The following KRABD4 variants were observed in gnomAD, a reference collection of about 807,000 sequenced individuals.
The protein encoded by KRABD4 is KRAB domain-containing protein 4.
chrX:46,473,624 T>TC, the KRABD4 span: 7 of 353,602 alleles, frequency 2.0e-5, no homozygotes, highest in South Asian at 1.2e-4. Flanking sequence ...ACTGTCCTGC[T>TC]CTTTCCTGCT....
chrX:46,450,425 T>A, the KRABD4 span: 1 of 1,189,889 alleles, frequency 8.4e-7, no homozygotes, highest in African/African-American at 1.8e-5. Context: ...AATTTTGCCT[T>A]TATAGATCTC....
chrX:46,450,826 CT>C, the KRABD4 span, among the ~76,000 whole-genome samples: 4,399 of 108,080 alleles, frequency 0.041, 240 homozygotes, highest in African/African-American at 0.14. Flanking sequence ...CCTCAGCCTT[CT>C]GAGTAGCTGG....
the KRABD4 span, among the ~76,000 whole-genome samples, chrX:46,457,908 A>AT: frequency 3.7e-5 from 4 of 109,574 alleles, no homozygotes; most frequent in Non-Finnish European, 7.6e-5. Context: ...CGCCCAGCTA[A>AT]TTTTTGTATT....
chrX:46,450,784 C>T, the KRABD4 span, among the ~76,000 whole-genome samples: 3 of 104,884 alleles, frequency 2.9e-5, no homozygotes, highest in African/African-American at 1.1e-4. Context: ...ATCACTGCAA[C>T]CTCCACCTTC....
chrX:46,471,389 A>G, the KRABD4 span, among the ~76,000 whole-genome samples: 1 of 108,535 alleles, frequency 9.2e-6, no homozygotes, highest in Non-Finnish European at 1.9e-5. Flanking sequence ...GTTTCCTTAT[A>G]CCTCTCTCTA....
chrX:46,470,479 A>G, the KRABD4 span, among the ~76,000 whole-genome samples: 2 of 111,368 alleles, frequency 1.8e-5, no homozygotes. Flanking sequence ...CTTTTCACTC[A>G]GCATACTTCT....
chrX:46,466,873 T>G, the KRABD4 span, among the ~76,000 whole-genome samples: 2 of 112,197 alleles, frequency 1.8e-5, no homozygotes, highest in Non-Finnish European at 3.8e-5. Flanking sequence ...GCATTGGACA[T>G]TTTCATCCCC....
chrX:46,473,200 C>T, the KRABD4 span: 1 of 1,178,830 alleles, frequency 8.5e-7, no homozygotes, highest in South Asian at 1.9e-5. Context: ...AGTGTTTATC[C>T]AGAAAGCAAA....
At chrX:46,461,160 G>A in the KRABD4 span, among the ~76,000 whole-genome samples, 1 of 110,283 alleles carries the variant, frequency 9.1e-6, no homozygotes, top group Admixed American at 9.6e-5. Flanking sequence ...ATCTGGACTG[G>A]AGGACTGAGT....
At chrX:46,452,232 CTCTT>C in the KRABD4 span, among the ~76,000 whole-genome samples, 1 of 111,005 alleles carries the variant, frequency 9.0e-6, no homozygotes, top group Non-Finnish European at 1.9e-5. Flanking sequence ...CTCTCTCTCT[CTCTT>C]TCTCTTTCTC....
the KRABD4 span, chrX:46,463,349 G>C: frequency 2.7e-6 from 3 of 1,124,594 alleles, no homozygotes; most frequent in East Asian, 3.0e-5. Context: ...TGGTTGGTGA[G>C]AGCTTGGCCT....
the KRABD4 span, among the ~76,000 whole-genome samples, chrX:46,458,903 A>G: frequency 4.5e-5 from 5 of 111,818 alleles, no homozygotes; most frequent in African/African-American, 1.6e-4. Flanking sequence ...GGACTATAGA[A>G]TAGTTAAATA....
the KRABD4 span, chrX:46,472,717 A>C: frequency 8.3e-7 from 1 of 1,198,216 alleles, no homozygotes; most frequent in Admixed American, 2.2e-5. Flanking sequence ...GGAAAGACTT[A>C]ACAAGTTTGA....
chrX:46,457,831 T>C, the KRABD4 span, among the ~76,000 whole-genome samples: 1 of 109,982 alleles, frequency 9.1e-6, no homozygotes, highest in Admixed American at 9.8e-5. Context: ...CAACCTCCAC[T>C]TCTCGGGTTC....
At chrX:46,458,379 C>A in the KRABD4 span, among the ~76,000 whole-genome samples, 1 of 112,154 alleles carries the variant, frequency 8.9e-6, no homozygotes, top group Admixed American at 9.4e-5. Context: ...ATTTACAATG[C>A]AAATACCCTT....
the KRABD4 span, chrX:46,455,666 C>T: frequency 2.6e-6 from 1 of 381,460 alleles, no homozygotes; most frequent in East Asian, 5.1e-5. Flanking sequence ...TTACCTTATT[C>T]AGTAATGCTT....
chrX:46,463,453 C>T, the KRABD4 span: 2,231 of 549,425 alleles, frequency 4.1e-3, 27 homozygotes, highest in South Asian at 0.037. Flanking sequence ...CAAATGAGGC[C>T]TCTGCCTGGC....
chrX:46,447,821 T>C, the KRABD4 span, among the ~76,000 whole-genome samples: 4 of 111,734 alleles, frequency 3.6e-5, no homozygotes, highest in Non-Finnish European at 7.5e-5. Context: ...TCTTTTCCTG[T>C]GCTTCGTTTA....
chrX:46,455,549 A>G, the KRABD4 span: 1 of 438,867 alleles, frequency 2.3e-6, no homozygotes, highest in Non-Finnish European at 4.2e-6. Context: ...TAGTTTAAAC[A>G]TGGGGCTGAA....
Sources: allele counts gnomAD v4.1 joint callset (sites outside exome capture counted in the v4.1 genomes callset), GRCh38; gene constraint gnomAD v4.1.1; transcripts MANE v1.5; gene names NCBI Gene and HGNC (gene_info 2026-07-23, HGNC 2026-07-21).